Variants in SGCD observed in about 807,000 individuals in gnomAD.
SGCD encodes the protein sarcoglycan delta.
A neutral mutation model predicts 36.6 loss-of-function variants in SGCD; 18 were observed. The ratio of observed to expected loss-of-function variants is 0.49; its 90% CI spans 0.34 to 0.73. The LOEUF is 0.73. Among genes scored for constraint, SGCD ranks in the 30% least tolerant of loss-of-function variants. The pLI is 0.01. For synonymous variants in SGCD, 133 were observed against 130.6 expected (o/e 1.02, Z -0.12); for missense variants, 387 against 346.7 (o/e 1.12, Z -0.92).
intron 7 of SGCD, among the ~76,000 whole-genome samples, chr5:156,747,293 G>T (rs144378319): frequency 6.6e-6 from 1 of 152,094 alleles, no homozygotes; most frequent in Non-Finnish European, 1.5e-5. Context: ...GCTGTGTAAC[G>T]CATTACCCCA....
chr5:156,733,035 AT>A (rs1756160544), intron 7 of SGCD, among the ~76,000 whole-genome samples: 2 of 151,962 alleles, frequency 1.3e-5, no homozygotes, highest in African/African-American at 2.4e-5. Flanking sequence ...GGATTCATTT[AT>A]TTTTTTGAAG....
chr5:156,385,738 G>C (rs1384677499), intron 3 of SGCD, among the ~76,000 whole-genome samples: 2 of 152,152 alleles, frequency 1.3e-5, no homozygotes, highest in African/African-American at 2.4e-5. Flanking sequence ...CAGATTGAGG[G>C]AACACCACAA....
At chr5:156,650,785 A>G (rs1763428466) in intron 7 of SGCD, among the ~76,000 whole-genome samples, 2 of 152,156 alleles carry the variant, frequency 1.3e-5, no homozygotes, top group Non-Finnish European at 2.9e-5. Context: ...GTATATTGCA[A>G]TGAATATACA....
intron 1 of SGCD, among the ~76,000 whole-genome samples, chr5:155,882,852 C>G (rs574342461): frequency 6.6e-6 from 1 of 152,302 alleles, no homozygotes; most frequent in South Asian, 2.1e-4. Context: ...TCAGCCTGCC[C>G]TTTGAAGCTT....
chr5:156,340,809 T>C (rs1038167594), intron 2 of SGCD, among the ~76,000 whole-genome samples: 3 of 152,222 alleles, frequency 2.0e-5, no homozygotes, highest in African/African-American at 7.2e-5. Context: ...AATGATAGAT[T>C]GGAGATTGTC....
At chr5:156,524,232 A>C (rs1164368207) in intron 4 of SGCD, among the ~76,000 whole-genome samples, 1 of 136,932 alleles carries the variant, frequency 7.3e-6, no homozygotes, top group Non-Finnish European at 1.6e-5. Context: ...ATAAAGAGAG[A>C]GTAATATATA....
At chr5:156,010,361 G>A (rs1758834312) in intron 1 of SGCD, among the ~76,000 whole-genome samples, 1 of 152,074 alleles carries the variant, frequency 6.6e-6, no homozygotes, top group Admixed American at 6.6e-5. Flanking sequence ...ATTTAGTGTG[G>A]GAATATGTCC....
At chr5:155,735,529 G>T in the SGCD span, among the ~76,000 whole-genome samples, 1 of 152,344 alleles carries the variant, frequency 6.6e-6, no homozygotes. Flanking sequence ...CATCCAGCAA[G>T]TTAGTGCCAC....
At chr5:156,269,970 G>T (rs1347673961) in intron 3 of SGCD, among the ~76,000 whole-genome samples, 1 of 152,174 alleles carries the variant, frequency 6.6e-6, no homozygotes, top group African/African-American at 2.4e-5. Context: ...CACAATGAAA[G>T]TGCCTAGGTT....
chr5:156,742,281 T>C (rs1756721121), intron 7 of SGCD, among the ~76,000 whole-genome samples: 1 of 152,140 alleles, frequency 6.6e-6, no homozygotes, highest in Non-Finnish European at 1.5e-5. Context: ...TTACTATCTC[T>C]AGCCCCACAT....
intron 1 of SGCD, among the ~76,000 whole-genome samples, chr5:155,916,226 G>T (rs1026419607): frequency 3.3e-5 from 5 of 151,986 alleles, no homozygotes; most frequent in African/African-American, 1.2e-4. Context: ...CATTAAGAGG[G>T]TTTTAGAGAC....
At chr5:155,918,782 G>T (rs1258022916) in intron 1 of SGCD, among the ~76,000 whole-genome samples, 2 of 152,150 alleles carry the variant, frequency 1.3e-5, no homozygotes, top group East Asian at 3.9e-4. Flanking sequence ...TTTTCTCTCA[G>T]ACTTGGCTTC....
At chr5:156,221,930 T>C (rs1419296787) in intron 3 of SGCD, among the ~76,000 whole-genome samples, 4 of 152,064 alleles carry the variant, frequency 2.6e-5, no homozygotes. Flanking sequence ...AACTTGACTT[T>C]TCATTTTCTA....
intron 7 of SGCD, among the ~76,000 whole-genome samples, chr5:156,718,923 CT>C (rs1201685889): frequency 6.6e-6 from 1 of 151,356 alleles, no homozygotes; most frequent in Non-Finnish European, 1.5e-5. Context: ...GGCCACAGGT[CT>C]TTTGACAAAC....
At chr5:155,792,667 C>T in the SGCD span, among the ~76,000 whole-genome samples, 1 of 152,092 alleles carries the variant, frequency 6.6e-6, no homozygotes, top group Admixed American at 6.6e-5. Flanking sequence ...CTCAACATCA[C>T]TAGTCATCAG....
At chr5:155,921,290 G>A (rs1167051334) in intron 1 of SGCD, among the ~76,000 whole-genome samples, 1 of 152,164 alleles carries the variant, frequency 6.6e-6, no homozygotes, top group Non-Finnish European at 1.5e-5. Flanking sequence ...TCTGGAGGCA[G>A]AACCAGATTT....
intron 3 of SGCD, among the ~76,000 whole-genome samples, chr5:156,450,267 T>G (rs987125652): frequency 6.6e-6 from 1 of 152,116 alleles, no homozygotes; most frequent in African/African-American, 2.4e-5. Flanking sequence ...AGCCAATTTT[T>G]CATGTCCACA....
At chr5:156,001,397 A>C (rs1265956370) in intron 1 of SGCD, among the ~76,000 whole-genome samples, 1 of 152,214 alleles carries the variant, frequency 6.6e-6, no homozygotes, top group African/African-American at 2.4e-5. Flanking sequence ...GTGATTCATT[A>C]GAATTTTATT....
intron 7 of SGCD, among the ~76,000 whole-genome samples, chr5:156,702,334 A>G (rs1581424294): frequency 6.6e-6 from 1 of 152,182 alleles, no homozygotes; most frequent in South Asian, 2.1e-4. Flanking sequence ...CTTCCTTAAC[A>G]AGTCCTTATT....
Sources: allele counts gnomAD v4.1 joint callset (sites outside exome capture counted in the v4.1 genomes callset), GRCh38; gene constraint gnomAD v4.1.1; transcripts MANE v1.5; gene names NCBI Gene and HGNC (gene_info 2026-07-23, HGNC 2026-07-21).